FMO2: variants seen among roughly 807,000 people sequenced by gnomAD.
FMO2 encodes the protein flavin-containing monooxygenase 2.
In FMO2, 33 loss-of-function variants were observed where a neutral mutation model predicts 41.6. The observed-to-expected ratio is 0.79, with a 90% CI of 0.60 to 1.06. The LOEUF is 1.06. Among genes scored for constraint, FMO2 ranks in the 50% least tolerant of loss-of-function variants. The pLI, the probability that FMO2 is intolerant of heterozygous loss-of-function variation, is 0.00. For missense variants in FMO2, 619 were observed against 632.9 expected, an observed-to-expected ratio of 0.98 and a Z score of 0.23; for synonymous variants, 214 against 219.6, an observed-to-expected ratio of 0.97 and a Z score of 0.23.
chr1:171,195,965 C>T (rs1212072144), intron 3 of FMO2, among the ~76,000 whole-genome samples: 1 of 152,200 alleles, frequency 6.6e-6, no homozygotes, highest in Non-Finnish European at 1.5e-5. Flanking sequence ...AATATCTTCT[C>T]TAATACAAAG....
chr1:171,196,869 A>C, intron 4 of FMO2, 58 bp downstream of exon 4: 1 of 1,509,060 alleles, frequency 6.6e-7, no homozygotes, highest in Non-Finnish European at 9.1e-7. Context: ...CTTTATATGT[A>C]GTTTGGATTG....
chr1:171,204,179 C>T (rs1658659277), intron 6 of FMO2, 115 bp downstream of exon 6: 2 of 717,304 alleles, frequency 2.8e-6, no homozygotes, highest in South Asian at 3.4e-5. Flanking sequence ...TACAATCTAA[C>T]AATATGAGTA....
At position 171,204,205 on chromosome 1, in the gene FMO2, A is replaced by G. The variant is rs951863674; in HGVS notation, c.827+141A>G. 9 of 638,864 alleles carry G rather than the reference A, an allele frequency of 1.4e-5. No homozygotes were observed. In the African/African-American group the frequency reaches 1.6e-4, roughly 12 times the overall value. 39.6% of individuals were successfully genotyped at this position (638,864 alleles called of 1,614,324 possible). A position where few individuals can be genotyped will look rare whatever the true frequency, so the allele number is the denominator to read the frequency against. ...AATATGAGTATCTTATAGGTCCTGG[A>G]GTTTAGCTTCTAAATTTGTTCTGTA... On this transcript the variant is annotated intron_variant, in intron 6 of 8. Coordinates refer to ENST00000209929, the MANE Select transcript of FMO2 (RefSeq NM_001460.5).
chr1:171,190,230 CAT>C (rs1243342527), intron 2 of FMO2, among the ~76,000 whole-genome samples: 1 of 152,108 alleles, frequency 6.6e-6, no homozygotes, highest in Non-Finnish European at 1.5e-5. Flanking sequence ...TGAAGTCAAA[CAT>C]AAACTTCAAT....
At chr1:171,199,217 A>T in intron 4 of FMO2, 129 bp from the exon 5 acceptor site, 1 of 849,266 alleles carries the variant, frequency 1.2e-6, no homozygotes, top group Non-Finnish European at 1.8e-6. Context: ...TATGTGCTTT[A>T]CTCCTATAGA....
In FMO2 at chr1:171,211,276, A is replaced by G. The variant is rs1658969877; in HGVS notation, c.*2131A>G. ...TATTTTCTGTGGTTGCTTTCAAGCT[A>G]CAATTGTAGAGTTGGGTAGTCGCAA... is the stretch of plus-strand genomic sequence containing the variant. On this transcript the variant is annotated 3_prime_UTR_variant, in exon 9 of 9. Coordinates refer to ENST00000209929, the MANE Select transcript of FMO2 (RefSeq NM_001460.5). 1 of 152,182 alleles carries G rather than the reference A, an allele frequency of 6.6e-6. No individual in the cohort carries two copies. Among genetic ancestry groups the G allele is most frequent in the Admixed American group, 6.5e-5 (1 of 15,274 alleles). 9.4% of individuals were successfully genotyped at this position (152,182 alleles called of 1,614,324 possible). A position where few individuals can be genotyped will look rare whatever the true frequency, so the allele number is the denominator to read the frequency against.
chr1:171,208,733 C>T lies in FMO2; in HGVS notation c.1257-61C>T, dbSNP rs1044612601. 18 of 1,505,140 alleles carry T rather than the reference C, an allele frequency of 1.2e-5. No homozygotes were observed. The African/African-American group carries it at 2.2e-4, about 19-fold the overall frequency. 93.2% of individuals were successfully genotyped at this position (1,505,140 alleles called of 1,614,324 possible). A position where few individuals can be genotyped will look rare whatever the true frequency, so the allele number is the denominator to read the frequency against. ...TCATTCCTTTAGCAGTTTTGAATGC[C>T]TAATATTCTAGAAAACTTAGAACAT... On this transcript the variant is annotated intron_variant, in intron 8 of 8. Coordinates refer to ENST00000209929, the MANE Select transcript of FMO2 (RefSeq NM_001460.5).
intron 2 of FMO2, among the ~76,000 whole-genome samples, chr1:171,191,080 G>T (rs940223104): frequency 1.3e-5 from 2 of 152,016 alleles, no homozygotes; most frequent in African/African-American, 4.8e-5. Context: ...AAGACGGGGA[G>T]GTTGCAGTGA....
chr1:171,208,686 A>C (rs1658859630), intron 8 of FMO2, 108 bp from the exon 9 acceptor site: 1 of 1,015,622 alleles, frequency 9.8e-7, no homozygotes, highest in Non-Finnish European at 1.5e-6. Flanking sequence ...TTGAAAACTC[A>C]TTCACATATT....
At chr1:171,185,969 T>G in intron 2 of FMO2, 124 bp downstream of exon 2, 1 of 1,069,666 alleles carries the variant, frequency 9.3e-7, no homozygotes, top group Non-Finnish European at 1.4e-6. Context: ...TTCTACTTAT[T>G]GATGTGGCCA....
rs1302503448 is a variant in FMO2 at position 171,212,291 on chromosome 1, G to A, written c.*3146G>A. Among the ~76,000 whole-genome samples the A allele has an allele frequency of 6.6e-6, 1 of 152,026 alleles. No homozygotes were observed. Among genetic ancestry groups the A allele is most frequent in the Non-Finnish European group, 1.5e-5 (1 of 68,020 alleles). On this transcript the variant is annotated 3_prime_UTR_variant, in exon 9 of 9. Coordinates refer to ENST00000209929, the MANE Select transcript of FMO2 (RefSeq NM_001460.5). ...TCCTCACACACTCTTTTTCCCTTCT[G>A]CCTTCACCTTTGCCGTGGGTGGACA...
rs749433710 is a variant in FMO2, at chr1:171,193,493, A to G, written c.291A>G (p.Lys97=). 6.2e-7 allele frequency: 1 copy of G among 1,610,036 alleles called. No homozygotes were observed. Among genetic ancestry groups the G allele is most frequent in the Non-Finnish European group, 8.5e-7 (1 of 1,176,996 alleles). ...AATATTTCAGGATTTTTGCTAAAAA[A>G]TTTGATCTGCTAAAATATATTCAGT... ...LLEYFRIFAK[K]FDLLKYIQFQ... The change falls in exon 3 of 9, where the codon AAA becomes AAG. Residue 97 remains lysine (K), a synonymous_variant. Coordinates refer to ENST00000209929, the MANE Select transcript of FMO2 (RefSeq NM_001460.5).
chr1:171,189,145 C>T (rs12566823), intron 2 of FMO2, among the ~76,000 whole-genome samples: 53,375 of 151,922 alleles, frequency 0.35, 10,321 homozygotes, highest in East Asian at 0.55. Context: ...CTTCTTTCAG[C>T]CGCTAACCTT....
intron 2 of FMO2, among the ~76,000 whole-genome samples, chr1:171,189,659 C>CTTTTTTTT (rs397827245): frequency 2.5e-5 from 3 of 121,472 alleles, no homozygotes; most frequent in Non-Finnish European, 5.2e-5. Context: ...TTTTTCTTTT[C>CTTTTTTTT]TTTTTTTTTT....
chr1:171,189,160 G>A (rs1031390080), intron 2 of FMO2, among the ~76,000 whole-genome samples: 1 of 152,076 alleles, frequency 6.6e-6, no homozygotes, highest in African/African-American at 2.4e-5. Flanking sequence ...AACCTTCTCT[G>A]TTTCCTTTAT....
At chr1:171,205,735 A>C in intron 7 of FMO2, 101 bp downstream of exon 7, 1 of 747,056 alleles carries the variant, frequency 1.3e-6, no homozygotes, top group Non-Finnish European at 2.1e-6. Flanking sequence ...GCCAAGAAAA[A>C]GTTTGACAAC....
rs370281890 is a variant in FMO2 at position 171,205,526 on chromosome 1, G to A, written c.1075G>A (p.Ala359Thr). The A allele has an allele frequency of 5.0e-5, 80 of 1,613,594 alleles. No individual in the cohort carries two copies. The highest frequency in any genetic ancestry group is 2.4e-4 in the African/African-American group (18 of 74,870). The change falls in exon 7 of 9, where the codon GCT (alanine) becomes ACT (threonine). Residue 359 changes from alanine (A) to threonine (T), a missense_variant. Physicochemically the swap from Ala to Thr is moderately conservative, Grantham distance 58. Transcript: ENST00000209929. ...CTCACTGTATAAATACATATTCCCCGCTCACCTGGACAAGTCAACCCTCGC... is the reference window on the plus strand; with the variant it reads ...CTCACTGTATAAATACATATTCCCCACTCACCTGGACAAGTCAACCCTCGC... Reference protein sequence around the residue: ...MVSLYKYIFPAHLDKSTLACI... With the variant: ...MVSLYKYIFPTHLDKSTLACI...
rs777398662 is a variant in FMO2 at position 171,199,410 on chromosome 1, G to C, written c.549G>C (p.Glu183Asp). 4 of 1,612,578 alleles carry C rather than the reference G, an allele frequency of 2.5e-6. No individual in the cohort carries two copies. Among genetic ancestry groups the C allele is most frequent in the Admixed American group, 1.7e-5 (1 of 59,854 alleles). Residue 183 changes from glutamate (E) to aspartate (D), a missense_variant, in exon 5 of 9, where the codon GAG becomes GAC. Transcript: ENST00000209929. Reference sequence around the variant, plus strand: ...AATACAAGCATCCAGATGGATTTGAGGGAAAACGCATCCTGGTGATTGGAA... The same window carrying C: ...AATACAAGCATCCAGATGGATTTGACGGAAAACGCATCCTGGTGATTGGAA... ...SRQYKHPDGFEGKRILVIGMG... is the reference protein window; with the variant it reads ...SRQYKHPDGFDGKRILVIGMG...
In FMO2 at chr1:171,210,748, G is replaced by A. The variant is rs972270257; in HGVS notation, c.*1603G>A. ...TCTCCCTCAGGGACGTAGAACAATG[G>A]AATGTCAGTCAGTCTCTGTAGTTAA... On this transcript the variant is annotated 3_prime_UTR_variant, in exon 9 of 9. Coordinates refer to ENST00000209929, the MANE Select transcript of FMO2 (RefSeq NM_001460.5). 6.6e-6 allele frequency: 1 copy of A among 151,630 alleles called. No homozygotes were observed. Among genetic ancestry groups the A allele is most frequent in the African/African-American group, 2.4e-5 (1 of 41,232 alleles). 9.4% of individuals were successfully genotyped at this position (151,630 alleles called of 1,614,324 possible).
Sources: allele counts gnomAD v4.1 joint callset (sites outside exome capture counted in the v4.1 genomes callset), GRCh38; gene constraint gnomAD v4.1.1; transcripts MANE v1.5; gene names NCBI Gene and HGNC (gene_info 2026-07-23, HGNC 2026-07-21).